PAPPA2: variants seen among roughly 807,000 people sequenced by gnomAD.
PAPPA2 encodes pappalysin 2.
Under a neutral mutation model 176.4 loss-of-function variants are expected in PAPPA2, and 86 were observed. The ratio of observed to expected loss-of-function variants is 0.49; its 90% CI spans 0.41 to 0.58. The LOEUF is 0.58. Ranked by LOEUF, PAPPA2 falls within the 20% of genes least tolerant of loss-of-function variation. PAPPA2 has a pLI of 0.00. For synonymous variants in PAPPA2, 809 were observed against 852.2 expected (o/e 0.95, Z 0.88); for missense variants, 2,073 against 2,256.9 (o/e 0.92, Z 1.65).
chr1:176,481,252 G>GCGCACA lies in PAPPA2; in HGVS notation c.-917+17835_-917+17836insGCACAC, dbSNP rs1393732328. Among the ~76,000 whole-genome samples, 7 of 140,212 alleles carry GCGCACA rather than the reference G, an allele frequency of 5.0e-5. 1 individual carries two copies. The highest frequency in any genetic ancestry group is 4.6e-4 in the East Asian group (2 of 4,332). The allele number at this position is 140,212 out of a possible 152,430, so 92.0% of individuals were successfully genotyped here. The stretch of plus-strand genomic sequence containing the variant: ...TTGATTTAAGCGCTGAGATTTTAAA[G>GCGCACA]CACACACACACACACACACACACAC... On this transcript the variant is annotated intron_variant, in intron 1 of 22. Transcript: ENST00000367662.
intron 1 of PAPPA2, among the ~76,000 whole-genome samples, chr1:176,507,943 G>T (rs1438261999): frequency 1.3e-5 from 2 of 151,974 alleles, no homozygotes; most frequent in East Asian, 1.9e-4. Flanking sequence ...AAGCAGAAAA[G>T]CTACCAGAAT....
chr1:176,651,650 TC>T (rs1219346744), intron 3 of PAPPA2, among the ~76,000 whole-genome samples: 5 of 151,668 alleles, frequency 3.3e-5, no homozygotes, highest in African/African-American at 1.2e-4. Flanking sequence ...TGGAATTTTA[TC>T]TCTTTCTCAA....
intron 21 of PAPPA2, among the ~76,000 whole-genome samples, chr1:176,839,041 C>A (rs1476688923): frequency 6.6e-6 from 1 of 152,100 alleles, no homozygotes; most frequent in Non-Finnish European, 1.5e-5. Context: ...CAAAACTGTC[C>A]TTCTATTTGA....
At chr1:176,518,158 C>T (rs1483559401) in intron 1 of PAPPA2, among the ~76,000 whole-genome samples, 1 of 152,132 alleles carries the variant, frequency 6.6e-6, no homozygotes, top group Non-Finnish European at 1.5e-5. Context: ...TGTTCATGTA[C>T]TACTTCTTTC....
Position 176,569,633 on chromosome 1 carries a change from C to G in PAPPA2, c.919+12392C>G, listed in dbSNP as rs532626634. Among the ~76,000 whole-genome samples, 3 of 152,316 alleles carry G rather than the reference C, an allele frequency of 2.0e-5. No individual in the cohort carries two copies. In the South Asian group the frequency reaches 6.2e-4, roughly 32 times the overall value. On this transcript the variant is annotated intron_variant, in intron 2 of 22. Coordinates refer to ENST00000367662, the MANE Select transcript of PAPPA2 (RefSeq NM_020318.3). ...AATAAGCAGACATGGTTCCACTGCCCAGTCATTTCTATTCTAGGCTAGCTC... is the reference window on the plus strand; with the variant it reads ...AATAAGCAGACATGGTTCCACTGCCGAGTCATTTCTATTCTAGGCTAGCTC...
At chr1:176,699,767 G>A (rs1660562594) in intron 8 of PAPPA2, among the ~76,000 whole-genome samples, 178 bp downstream of exon 8, 1 of 152,110 alleles carries the variant, frequency 6.6e-6, no homozygotes, top group African/African-American at 2.4e-5. Context: ...CCCAGAAAGG[G>A]GCAAGCAGGT....
chr1:176,830,662 C>T (rs578187478), intron 21 of PAPPA2, among the ~76,000 whole-genome samples: 5 of 152,286 alleles, frequency 3.3e-5, no homozygotes, highest in Admixed American at 3.3e-4. Context: ...TATCTGAAGA[C>T]CTTGCAGACC....
chr1:176,505,659 A>G (rs1191785703), intron 1 of PAPPA2, among the ~76,000 whole-genome samples: 5 of 151,944 alleles, frequency 3.3e-5, no homozygotes, highest in Non-Finnish European at 7.4e-5. Context: ...TTCATATGGA[A>G]CAGCAACAAC....
chr1:176,483,087 A>T (rs564665945), intron 1 of PAPPA2, among the ~76,000 whole-genome samples: 3 of 152,210 alleles, frequency 2.0e-5, no homozygotes, highest in African/African-American at 7.2e-5. Context: ...CTCGTACATG[A>T]TCATCAGTGC....
intron 1 of PAPPA2, among the ~76,000 whole-genome samples, chr1:176,464,820 G>A (rs1427464563): frequency 1.3e-5 from 2 of 152,180 alleles, no homozygotes; most frequent in African/African-American, 4.8e-5. Context: ...AGAAGTTACT[G>A]TAGAAAGTTA....
At chr1:176,509,692 A>G (rs531868302) in intron 1 of PAPPA2, among the ~76,000 whole-genome samples, 3 of 152,072 alleles carry the variant, frequency 2.0e-5, no homozygotes, top group African/African-American at 7.2e-5. Flanking sequence ...ATGGAGGGGG[A>G]CAGAAAAATA....
intron 4 of PAPPA2, among the ~76,000 whole-genome samples, chr1:176,687,500 G>T (rs1258970962): frequency 6.6e-6 from 1 of 152,178 alleles, no homozygotes; most frequent in Non-Finnish European, 1.5e-5. Flanking sequence ...CCAATATTAT[G>T]ATGACCACCC....
chr1:176,803,845 T>C (rs1314321526), intron 21 of PAPPA2, among the ~76,000 whole-genome samples: 2 of 152,208 alleles, frequency 1.3e-5, no homozygotes, highest in Non-Finnish European at 2.9e-5. Context: ...GCCTTCTGTC[T>C]CTTCAAATCT....
chr1:176,668,284 A>AGCATGAGG (rs1198408334), intron 3 of PAPPA2, among the ~76,000 whole-genome samples: 1 of 152,166 alleles, frequency 6.6e-6, no homozygotes, highest in Non-Finnish European at 1.5e-5. Flanking sequence ...GAGCATAGAG[A>AGCATGAGG]GCATGAGGAA....
At chr1:176,710,541 C>T (rs12024039) in intron 11 of PAPPA2, among the ~76,000 whole-genome samples, 11 of 151,990 alleles carry the variant, frequency 7.2e-5, no homozygotes, top group Admixed American at 5.9e-4. Context: ...TAAATTCTTG[C>T]GTACATATTT....
chr1:176,498,068 T>C (rs1365225448), intron 1 of PAPPA2, among the ~76,000 whole-genome samples: 3 of 152,216 alleles, frequency 2.0e-5, no homozygotes, highest in Admixed American at 6.5e-5. Flanking sequence ...TAAAACATAG[T>C]ACTCAGAATT....
rs567610572 is a variant in PAPPA2 at position 176,757,565 on chromosome 1, G to C, written c.4152-8101G>C. On this transcript the variant is annotated intron_variant, in intron 14 of 22. Coordinates refer to ENST00000367662, the MANE Select transcript of PAPPA2 (RefSeq NM_020318.3). The stretch of plus-strand genomic sequence containing the variant: ...GTTTTGATGGGCTTGTTTTTTTCTT[G>C]TAAATTTGTTTAAGTTCTTTGTAGA... 3.3e-5 allele frequency among the ~76,000 whole-genome samples: 5 copies of C among 151,978 alleles called. No homozygotes were observed. The South Asian group carries it at 6.2e-4, about 19-fold the overall frequency.
chr1:176,728,003 A>G (rs570217942), intron 12 of PAPPA2, among the ~76,000 whole-genome samples: 88 of 152,098 alleles, frequency 5.8e-4, no homozygotes, highest in African/African-American at 1.9e-3. Flanking sequence ...TAAAAAAAGT[A>G]CTTACAGGGA....
chr1:176,514,332 G>T (rs1648781577), intron 1 of PAPPA2, among the ~76,000 whole-genome samples: 1 of 152,036 alleles, frequency 6.6e-6, no homozygotes, highest in Admixed American at 6.6e-5. Flanking sequence ...TAACAGAGAG[G>T]GAACCCACTA....
Sources: allele counts gnomAD v4.1 joint callset (sites outside exome capture counted in the v4.1 genomes callset), GRCh38; gene constraint gnomAD v4.1.1; transcripts MANE v1.5; gene names NCBI Gene and HGNC (gene_info 2026-07-23, HGNC 2026-07-21).